TAOK3: variants seen among roughly 807,000 people sequenced by gnomAD.
The protein encoded by TAOK3 is serine/threonine-protein kinase TAO3.
Under a neutral mutation model 120.4 loss-of-function variants are expected in TAOK3, and 40 were observed. The ratio of observed to expected loss-of-function variants is 0.33; its 90% CI spans 0.26 to 0.43. TAOK3 has a LOEUF of 0.43. Among genes scored for constraint, TAOK3 ranks in the 20% least tolerant of loss-of-function variants. TAOK3 has a pLI of 1.00. For missense variants in TAOK3, 821 were observed against 1,112.1 expected (o/e 0.74, Z 3.72); for synonymous variants, 355 against 387.5 (o/e 0.92, Z 0.99).
At chr12:118,178,446 G>A (rs1279872381) in intron 15 of TAOK3, among the ~76,000 whole-genome samples, 6 of 151,926 alleles carry the variant, frequency 3.9e-5, no homozygotes, top group Non-Finnish European at 8.8e-5. Context: ...TAATTGGAAC[G>A]CTAACGGCAT....
intron 15 of TAOK3, among the ~76,000 whole-genome samples, chr12:118,180,657 T>C (rs2036657546): frequency 6.6e-6 from 1 of 152,140 alleles, no homozygotes; most frequent in Non-Finnish European, 1.5e-5. Flanking sequence ...TCATCAGCTG[T>C]AGGCAGGGAT....
At position 118,150,976 on chromosome 12, in the gene TAOK3, TAA is replaced by T; in HGVS notation, c.*19_*20del. ...GTTTTCTTTTTTTTTTTTTTTTTTG[TAA>T]ATGGCAAAAAATTTAATCTCATCTG... On this transcript the variant is annotated 3_prime_UTR_variant, in exon 21 of 21. Coordinates refer to ENST00000392533, the MANE Select transcript of TAOK3 (RefSeq NM_016281.4). The T allele has an allele frequency of 8.6e-6, 13 of 1,515,580 alleles. No individual in the cohort carries two copies. The highest frequency in any genetic ancestry group is 1.9e-4 in the Middle Eastern group (1 of 5,396). The allele number at this position is 1,515,580 out of a possible 1,614,324, so 93.9% of individuals were successfully genotyped here.
intron 14 of TAOK3, 23 bp from the exon 15 acceptor site, chr12:118,181,630 A>G (rs1289209195): frequency 6.2e-7 from 1 of 1,604,860 alleles, no homozygotes; most frequent in Non-Finnish European, 8.5e-7. Context: ...AGGAAACAGA[A>G]CTCAGGTAAC....
At chr12:118,245,067 T>A in intron 3 of TAOK3, 102 bp from the exon 4 acceptor site, 1 of 713,636 alleles carries the variant, frequency 1.4e-6, no homozygotes, top group Non-Finnish European at 2.2e-6. Flanking sequence ...TATTTATTTA[T>A]TGACAGTCTC....
At chr12:118,248,452 C>A (rs1459965632) in intron 3 of TAOK3, among the ~76,000 whole-genome samples, 2 of 151,882 alleles carry the variant, frequency 1.3e-5, no homozygotes, top group African/African-American at 4.8e-5. Flanking sequence ...ATATGGCAAT[C>A]ATAAATAAAA....
intron 1 of TAOK3, among the ~76,000 whole-genome samples, chr12:118,324,630 T>C (rs967307077): frequency 6.6e-6 from 1 of 152,012 alleles, no homozygotes; most frequent in Non-Finnish European, 1.5e-5. Context: ...AGTTCCCACA[T>C]GAGCGAGAAC....
At chr12:118,181,341 T>C (rs1314276864) in intron 15 of TAOK3, 30 bp downstream of exon 15, 1 of 1,561,562 alleles carries the variant, frequency 6.4e-7, no homozygotes, top group East Asian at 2.3e-5. Context: ...GGCTTGGTTG[T>C]GGCATGAAGG....
Position 118,279,582 on chromosome 12 carries a change from A to AT in TAOK3, c.-193-12824dup, listed in dbSNP as rs1285001157. On this transcript the variant is annotated intron_variant, in intron 1 of 20. Transcript: ENST00000392533. ...TAAGTCTTTAATCCATCTTGAGTTG[A>AT]TTTTTTTTTTTTTTTTTTTGAGAGA... 4.6e-3 allele frequency among the ~76,000 whole-genome samples: 560 copies of AT among 121,266 alleles called. 5 individuals are homozygous for AT. The highest frequency in any genetic ancestry group is 0.015 in the South Asian group (58 of 3,770). The allele number at this position is 121,266 out of a possible 152,430, so 79.6% of individuals were successfully genotyped here. A position where few individuals can be genotyped will look rare whatever the true frequency, so the allele number is the denominator to read the frequency against.
chr12:118,342,776 A>G (rs1217794407), intron 1 of TAOK3, among the ~76,000 whole-genome samples: 1 of 151,944 alleles, frequency 6.6e-6, no homozygotes, highest in Non-Finnish European at 1.5e-5. Context: ...TTTACAAAAA[A>G]TACAAAAATT....
rs181997372 is a variant in TAOK3, at chr12:118,157,157, C to T, written c.2352+2989G>A. Among the ~76,000 whole-genome samples the T allele has an allele frequency of 1.5e-3, 225 of 152,154 alleles. 4 individuals are homozygous for T. The highest frequency in any genetic ancestry group is 0.013 in the Admixed American group (202 of 15,270). On this transcript the variant is annotated intron_variant, in intron 19 of 20. Transcript: ENST00000392533. ...TACCTCCCACCAAATTTAGTAACTT[C>T]CCCCTTCATCCCGACTGCCCCTTTT... is the stretch of plus-strand genomic sequence containing the variant.
At chr12:118,218,001 A>C (rs1461111012) in intron 9 of TAOK3, among the ~76,000 whole-genome samples, 1 of 150,108 alleles carries the variant, frequency 6.7e-6, no homozygotes, top group Non-Finnish European at 1.5e-5. Flanking sequence ...CTGGGACTAC[A>C]GGCGCATGCC....
At chr12:118,326,174 A>T (rs1242125410) in intron 1 of TAOK3, among the ~76,000 whole-genome samples, 1 of 152,006 alleles carries the variant, frequency 6.6e-6, no homozygotes, top group East Asian at 1.9e-4. Flanking sequence ...ATCCATCTTG[A>T]TTTTATTTTT....
In TAOK3 at chr12:118,159,312, C is replaced by CT. The variant is rs35332392; in HGVS notation, c.2352+833dup. On this transcript the variant is annotated intron_variant, in intron 19 of 20. Transcript: ENST00000392533. ...AGTACCTCCCATTTCAAATCACTCA[C>CT]TTTTTTTTTTTTTTTTGAGACAGAG... Among the ~76,000 whole-genome samples the CT allele has an allele frequency of 1.9e-3, 246 of 132,108 alleles. 2 individuals are homozygous for CT. The East Asian group carries it at 0.022, about 12-fold the overall frequency. The allele number at this position is 132,108 out of a possible 152,430, so 86.7% of individuals were successfully genotyped here.
chr12:118,338,118 A>T (rs1374334771), intron 1 of TAOK3, among the ~76,000 whole-genome samples: 1 of 152,258 alleles, frequency 6.6e-6, no homozygotes, highest in Admixed American at 6.5e-5. Flanking sequence ...TTATATATTC[A>T]TCATTCACTT....
At chr12:118,172,050 T>C (rs982181412) in intron 17 of TAOK3, among the ~76,000 whole-genome samples, 1 of 152,212 alleles carries the variant, frequency 6.6e-6, no homozygotes, top group East Asian at 1.9e-4. Flanking sequence ...CTGAGAGTAC[T>C]GGATGATGGA....
chr12:118,310,901 A>G (rs1424591390), intron 1 of TAOK3, among the ~76,000 whole-genome samples: 1 of 152,168 alleles, frequency 6.6e-6, no homozygotes, highest in African/African-American at 2.4e-5. Flanking sequence ...TCACATTCAT[A>G]AGACATTTTG....
At chr12:118,309,327 CAA>C (rs771231916) in intron 1 of TAOK3, among the ~76,000 whole-genome samples, 32 of 71,068 alleles carry the variant, frequency 4.5e-4, no homozygotes, top group Admixed American at 7.8e-4. Context: ...AGACTGTCTC[CAA>C]AAAAAAAAAA....
chr12:118,253,233 A>G (rs930435715), intron 3 of TAOK3, among the ~76,000 whole-genome samples: 1 of 152,224 alleles, frequency 6.6e-6, no homozygotes, highest in East Asian at 1.9e-4. Context: ...GATGCAATTC[A>G]TAAAATAATC....
chr12:118,194,268 T>C (rs1446983436), intron 13 of TAOK3, among the ~76,000 whole-genome samples: 1 of 152,124 alleles, frequency 6.6e-6, no homozygotes, highest in African/African-American at 2.4e-5. Flanking sequence ...CTTTGTTTTG[T>C]TCATTTCAAA....
Sources: allele counts gnomAD v4.1 joint callset (sites outside exome capture counted in the v4.1 genomes callset), GRCh38; gene constraint gnomAD v4.1.1; transcripts MANE v1.5; gene names NCBI Gene and HGNC (gene_info 2026-07-23, HGNC 2026-07-21).